GTF2I: variants seen among roughly 807,000 people sequenced by gnomAD.
The protein encoded by GTF2I is general transcription factor II-I.
GTF2I carries 12 observed loss-of-function variants against 67.6 expected under a neutral mutation model. That is an observed-to-expected ratio of 0.18 (90% CI 0.11 to 0.29). The LOEUF is 0.29. Among genes scored for constraint, GTF2I ranks in the 10% least tolerant of loss-of-function variants. GTF2I has a pLI of 1.00. For missense variants in GTF2I, 271 were observed against 580.1 expected, an observed-to-expected ratio of 0.47 and a Z score of 5.47; for synonymous variants, 149 against 197.0, an observed-to-expected ratio of 0.76 and a Z score of 2.04.
At chr7:74,667,126 T>C (rs1805051246) in intron 1 of GTF2I, among the ~76,000 whole-genome samples, 1 of 152,028 alleles carries the variant, frequency 6.6e-6, no homozygotes, top group Admixed American at 6.6e-5. Flanking sequence ...GCCTGGGCCA[T>C]AGAACAAGAC....
intron 10 of GTF2I, 33 bp downstream of exon 10, chr7:74,714,949 C>T (rs1040442599): frequency 7.4e-7 from 1 of 1,351,558 alleles, no homozygotes; most frequent in Admixed American, 1.9e-5. Context: ...CTCCCACATA[C>T]TGCTTGTGTT....
At chr7:74,702,359 C>T (rs1170843620) in intron 6 of GTF2I, among the ~76,000 whole-genome samples, 2 of 152,092 alleles carry the variant, frequency 1.3e-5, no homozygotes, top group Non-Finnish European at 2.9e-5. Context: ...TCCTGAGTAG[C>T]TGGGATTACA....
intron 1 of GTF2I, among the ~76,000 whole-genome samples, chr7:74,679,442 T>G (rs1285775015): frequency 6.6e-6 from 1 of 152,168 alleles, no homozygotes; most frequent in Admixed American, 6.6e-5. Flanking sequence ...ATACAGAAAG[T>G]TCAGTGTCCA....
intron 8 of GTF2I, among the ~76,000 whole-genome samples, chr7:74,709,624 C>T (rs1791250435): frequency 6.6e-6 from 1 of 152,020 alleles, no homozygotes; most frequent in South Asian, 2.1e-4. Flanking sequence ...TCTGAATCCC[C>T]AGTGGATCTG....
At chr7:74,681,922 A>G (rs1787310034) in intron 1 of GTF2I, among the ~76,000 whole-genome samples, 1 of 152,164 alleles carries the variant, frequency 6.6e-6, no homozygotes, top group Non-Finnish European at 1.5e-5. Context: ...AAAAAAAAAA[A>G]AAAGTAATGG....
At chr7:74,723,199 C>T (rs367778991) in intron 12 of GTF2I, among the ~76,000 whole-genome samples, 1 of 149,166 alleles carries the variant, frequency 6.7e-6, no homozygotes, top group East Asian at 2.0e-4. Flanking sequence ...TCTCGGCTCA[C>T]TGCATCCCCT....
At chr7:74,684,382 C>G (rs1366819371) in intron 1 of GTF2I, among the ~76,000 whole-genome samples, 1 of 152,228 alleles carries the variant, frequency 6.6e-6, no homozygotes, top group Admixed American at 6.5e-5. Context: ...CATACACCAG[C>G]TCTCTAGGCG....
chr7:74,701,873 ATCG>A (rs1789819771), intron 6 of GTF2I, among the ~76,000 whole-genome samples: 1 of 152,194 alleles, frequency 6.6e-6, no homozygotes, highest in African/African-American at 2.4e-5. Flanking sequence ...GGATGCTTTC[ATCG>A]TCCCTGTCTC....
chr7:74,703,131 T>A (rs934320205), intron 6 of GTF2I, among the ~76,000 whole-genome samples: 2 of 152,066 alleles, frequency 1.3e-5, no homozygotes, highest in African/African-American at 4.8e-5. Flanking sequence ...TATTATTGAG[T>A]CTTGTTTTTT....
rs1788241964 is a variant in GTF2I at position 74,690,960 on chromosome 7, G to C, written c.100-13G>C. 6.2e-7 allele frequency: 1 copy of C among 1,604,906 alleles called. No homozygotes were observed. The highest frequency in any genetic ancestry group is 1.3e-5 in the African/African-American group (1 of 74,514). ...GTCCGCCTGTAACATGATGTTTGCTGTTTGTATTGTAGTGTAAAGAACTGG... is the reference window on the plus strand; with the variant it reads ...GTCCGCCTGTAACATGATGTTTGCTCTTTGTATTGTAGTGTAAAGAACTGG... On this transcript the variant is annotated splice_polypyrimidine_tract_variant and intron_variant, in intron 2 of 34. Coordinates refer to ENST00000573035, the MANE Select transcript of GTF2I (RefSeq NM_032999.4).
intron 1 of GTF2I, among the ~76,000 whole-genome samples, chr7:74,663,640 A>C (rs1300139443): frequency 6.6e-6 from 1 of 152,132 alleles, no homozygotes; most frequent in Non-Finnish European, 1.5e-5. Context: ...AGAAAGTAGA[A>C]AATACACCTA....
intron 8 of GTF2I, among the ~76,000 whole-genome samples, chr7:74,707,586 T>C (rs587734860): frequency 6.6e-6 from 1 of 152,356 alleles, no homozygotes; most frequent in East Asian, 1.9e-4. Context: ...TGTTGAATTA[T>C]CCTTTTTTGG....
intron 1 of GTF2I, chr7:74,684,717 C>T (rs1160960889): frequency 6.6e-6 from 1 of 152,256 alleles, no homozygotes; most frequent in Admixed American, 6.5e-5. Context: ...TGCTTTCCAT[C>T]CTGCAGGGCT....
intron 1 of GTF2I, among the ~76,000 whole-genome samples, chr7:74,665,552 C>T (rs1340331916): frequency 2.0e-5 from 3 of 152,110 alleles, no homozygotes. Context: ...CGCCTGGCCC[C>T]TATTTTTAAA....
chr7:74,680,568 C>T (rs1043102057), intron 1 of GTF2I, among the ~76,000 whole-genome samples: 18 of 151,976 alleles, frequency 1.2e-4, no homozygotes, highest in African/African-American at 3.9e-4. Flanking sequence ...TAGTGAGACC[C>T]GATCTCTACT....
chr7:74,675,933 C>T (rs1554392238), intron 1 of GTF2I, among the ~76,000 whole-genome samples: 1 of 152,078 alleles, frequency 6.6e-6, no homozygotes, highest in African/African-American at 2.4e-5. Flanking sequence ...TCGCTTGAAC[C>T]CGGGAGGCAG....
rs1315115186 is a variant in GTF2I at position 74,733,899 on chromosome 7, T to C, written c.1305-24T>C. 3.1e-6 allele frequency: 5 copies of C among 1,607,564 alleles called. No individual in the cohort carries two copies. The South Asian group carries it at 5.5e-5, about 18-fold the overall frequency. ...TTGCTGAATATTACCTAGTGATTATTGAGTATTTATTCTCACCTTTCAGAC... is the reference window on the plus strand; with the variant it reads ...TTGCTGAATATTACCTAGTGATTATCGAGTATTTATTCTCACCTTTCAGAC... On this transcript the variant is annotated intron_variant, in intron 15 of 34. Coordinates refer to ENST00000573035, the MANE Select transcript of GTF2I (RefSeq NM_032999.4).
intron 1 of GTF2I, among the ~76,000 whole-genome samples, chr7:74,663,685 C>T (rs1804716393): frequency 6.6e-6 from 1 of 152,124 alleles, no homozygotes; most frequent in Admixed American, 6.6e-5. Flanking sequence ...AGTTGAGATA[C>T]TTGGGAATCA....
chr7:74,713,989 G>A (rs2131413371), intron 9 of GTF2I, among the ~76,000 whole-genome samples: 1 of 152,152 alleles, frequency 6.6e-6, no homozygotes, highest in East Asian at 1.9e-4. Context: ...GTAGTGTGGT[G>A]CATCTTTGTG....
Sources: allele counts gnomAD v4.1 joint callset (sites outside exome capture counted in the v4.1 genomes callset), GRCh38; gene constraint gnomAD v4.1.1; transcripts MANE v1.5; gene names NCBI Gene and HGNC (gene_info 2026-07-23, HGNC 2026-07-21).